PRSS3: variants seen among roughly 807,000 people sequenced by gnomAD.
PRSS3 encodes trypsin-3.
Under a neutral mutation model 20.8 loss-of-function variants are expected in PRSS3, and 14 were observed. That is an observed-to-expected ratio of 0.67 (90% CI 0.44 to 1.05). PRSS3 has a LOEUF of 1.05. Among genes scored for constraint, PRSS3 ranks in the 50% least tolerant of loss-of-function variants. The probability of loss-of-function intolerance (pLI) is 0.00; values close to 1 mark genes in which losing one functional copy is unlikely to be tolerated. For missense variants in PRSS3, 237 were observed against 306.4 expected (o/e 0.77, Z 1.69); for synonymous variants, 91 against 117.6 (o/e 0.77, Z 1.46).
chr9:33,777,151 C>T (rs2118955721), intron 1 of PRSS3, among the ~76,000 whole-genome samples: 1 of 151,884 alleles, frequency 6.6e-6, no homozygotes, highest in East Asian at 1.9e-4. Context: ...CTTTAAAGTG[C>T]TACAAGAAAT....
At chr9:33,767,358 A>G (rs10758228) in intron 1 of PRSS3, among the ~76,000 whole-genome samples, 55,862 of 151,964 alleles carry the variant, frequency 0.37, 10,437 homozygotes, top group African/African-American at 0.42. Flanking sequence ...GATAAATAAC[A>G]TATGGCATTA....
In PRSS3 at chr9:33,750,791, C is replaced by T. The variant is rs1203480865; in HGVS notation, c.-53+64C>T. 7.1e-7 allele frequency: 1 copy of T among 1,408,544 alleles called. No homozygotes were observed. Among genetic ancestry groups the T allele is most frequent in the Non-Finnish European group, 9.2e-7 (1 of 1,086,658 alleles). 87.3% of individuals were successfully genotyped at this position (1,408,544 alleles called of 1,614,324 possible). Reference sequence around the variant, plus strand: ...GAGGGCTCGAAGGGAGAGGGAGCCCCGCCAAGGAGCGGGGCTGTGATGGAG... The same window carrying T: ...GAGGGCTCGAAGGGAGAGGGAGCCCTGCCAAGGAGCGGGGCTGTGATGGAG... On this transcript the variant is annotated intron_variant, in intron 1 of 5. Transcript: ENST00000342836. The surrounding 1 kb of genome is among the most constrained non-coding windows in gnomAD (Gnocchi z 4.8).
rs201427479 is a variant in PRSS3 at position 33,778,834 on chromosome 9, ATC to A, written c.-52-15905_-52-15904del. On this transcript the variant is annotated intron_variant, in intron 1 of 5. Transcript: ENST00000342836. Reference sequence around the variant, plus strand: ...TAGGAGCAAACCTTGTGAGGGGGCCATCTCTCTCCCCCACCCACCTCAGAGCA... The same window carrying A: ...TAGGAGCAAACCTTGTGAGGGGGCCATCTCTCCCCCACCCACCTCAGAGCA... 9.3e-3 allele frequency among the ~76,000 whole-genome samples: 1,412 copies of A among 152,260 alleles called. 25 individuals are homozygous for A. The highest frequency in any genetic ancestry group is 0.032 in the African/African-American group (1,342 of 41,550).
chr9:33,777,090 G>C (rs1823967502), intron 1 of PRSS3, among the ~76,000 whole-genome samples: 1 of 151,996 alleles, frequency 6.6e-6, no homozygotes, highest in Admixed American at 6.6e-5. Flanking sequence ...CATGAATAAT[G>C]ATAATTTTTC....
At chr9:33,751,880 C>T (rs542631779) in intron 1 of PRSS3, among the ~76,000 whole-genome samples, 2 of 152,200 alleles carry the variant, frequency 1.3e-5, no homozygotes, top group East Asian at 1.9e-4. Flanking sequence ...TTCGTGACTG[C>T]GAGCTTCTTG....
chr9:33,752,019 G>A (rs72711732), intron 1 of PRSS3, among the ~76,000 whole-genome samples: 3,747 of 152,292 alleles, frequency 0.025, 75 homozygotes, highest in Non-Finnish European at 0.039. Flanking sequence ...AGCAAAAGGT[G>A]AGGCATGACC....
At chr9:33,766,807 C>A (rs1823456377) in intron 1 of PRSS3, among the ~76,000 whole-genome samples, 1 of 151,764 alleles carries the variant, frequency 6.6e-6, no homozygotes, top group Non-Finnish European at 1.5e-5. Context: ...TATGGGATTT[C>A]TTTGGGGGTT....
intron 3 of PRSS3, 92 bp from the exon 4 acceptor site, chr9:33,798,394 G>T: frequency 1.3e-6 from 2 of 1,565,506 alleles, no homozygotes; most frequent in Non-Finnish European, 1.8e-6. Flanking sequence ...CAGAGGCAGT[G>T]TTCCTCTTCA....
intron 1 of PRSS3, among the ~76,000 whole-genome samples, chr9:33,776,825 A>G (rs763645895): frequency 2.0e-5 from 3 of 152,192 alleles, no homozygotes; most frequent in Non-Finnish European, 4.4e-5. Flanking sequence ...TTAGAAAAAT[A>G]TCAAAAGGTA....
rs960716416 is a variant in PRSS3, at chr9:33,796,925, G to T, written c.200+123G>T. On this transcript the variant is annotated intron_variant, in intron 2 of 4. Coordinates refer to ENST00000379405, the MANE Select transcript of PRSS3 (RefSeq NM_002771.4). ...GGAGAGGTGGTGGAAAAGAAAACTT[G>T]TTGACAGCAGCTGACTCTCCAGAGC... 3.3e-6 allele frequency: 5 copies of T among 1,500,148 alleles called. No homozygotes were observed. In the Admixed American group the frequency reaches 9.2e-5, roughly 27 times the overall value. 92.9% of individuals were successfully genotyped at this position (1,500,148 alleles called of 1,614,324 possible).
chr9:33,788,874 G>C (rs1472428895), intron 1 of PRSS3, among the ~76,000 whole-genome samples: 1 of 151,924 alleles, frequency 6.6e-6, no homozygotes, highest in Non-Finnish European at 1.5e-5. Flanking sequence ...GCTACAATCT[G>C]GGTAATTTCT....
chr9:33,787,968 A>G (rs1824480602), intron 1 of PRSS3, among the ~76,000 whole-genome samples: 1 of 152,236 alleles, frequency 6.6e-6, no homozygotes, highest in Non-Finnish European at 1.5e-5. Context: ...AAAGCTGTCC[A>G]GGGTGGATGA....
chr9:33,777,091 A>C (rs565229267), intron 1 of PRSS3, among the ~76,000 whole-genome samples: 4 of 152,184 alleles, frequency 2.6e-5, no homozygotes, highest in Non-Finnish European at 4.4e-5. Context: ...ATGAATAATG[A>C]TAATTTTTCC....
rs113502932 is a variant in PRSS3, at chr9:33,798,736, T to G, written c.591+114T>G. On this transcript the variant is annotated intron_variant, in intron 4 of 4. Transcript: ENST00000379405. The stretch of plus-strand genomic sequence containing the variant: ...GAGGCGGCTCCCTGCAGTGCTCCCA[T>G]GGAGAAATGAGGAAGGTGGCGGGGC... The G allele has an allele frequency of 1.5e-5, 22 of 1,508,004 alleles. No individual in the cohort carries two copies. In the African/African-American group the frequency reaches 1.5e-4, roughly 11 times the overall value. 93.4% of individuals were successfully genotyped at this position (1,508,004 alleles called of 1,614,324 possible). A position where few individuals can be genotyped will look rare whatever the true frequency, so the allele number is the denominator to read the frequency against.
intron 1 of PRSS3, among the ~76,000 whole-genome samples, chr9:33,780,173 G>A (rs1824123163): frequency 6.6e-6 from 1 of 151,898 alleles, no homozygotes; most frequent in Non-Finnish European, 1.5e-5. Flanking sequence ...TAGAGTGAAG[G>A]GTCAAGTCAC....
chr9:33,785,478 A>T (rs1054315042), intron 1 of PRSS3, among the ~76,000 whole-genome samples: 1 of 152,144 alleles, frequency 6.6e-6, no homozygotes, highest in African/African-American at 2.4e-5. Context: ...CGCCCGGCCC[A>T]TTGTGGTCAA....
chr9:33,777,133 A>G (rs1823969240), intron 1 of PRSS3, among the ~76,000 whole-genome samples: 2 of 152,178 alleles, frequency 1.3e-5, no homozygotes, highest in Non-Finnish European at 2.9e-5. Context: ...AAGAGAAGGG[A>G]ACTGTAGCTT....
chr9:33,755,738 T>C (rs1822911060), intron 1 of PRSS3, among the ~76,000 whole-genome samples: 1 of 152,148 alleles, frequency 6.6e-6, no homozygotes, highest in African/African-American at 2.4e-5. Flanking sequence ...TGAGAACTCA[T>C]CTCCAAGAAC....
Position 33,767,003 on chromosome 9 carries a change from C to T in PRSS3, c.-53+16276C>T, listed in dbSNP as rs116875181. On this transcript the variant is annotated intron_variant, in intron 1 of 5. Transcript: ENST00000342836. Reference sequence around the variant, plus strand: ...GTAGAAGAGTAATGGCAATAAAGTACGGAGAACCATCTTAGGGTGACTTTC... The same window carrying T: ...GTAGAAGAGTAATGGCAATAAAGTATGGAGAACCATCTTAGGGTGACTTTC... 2.0e-3 allele frequency among the ~76,000 whole-genome samples: 296 copies of T among 149,264 alleles called. 1 individual carries two copies. The East Asian group carries it at 0.032, about 16-fold the overall frequency.
Sources: gnomAD v4.1 joint callset for allele counts (sites outside exome capture counted in the v4.1 genomes callset) on GRCh38, gnomAD v4.1.1 for gene constraint, Gnocchi (gnomAD v3.1) non-coding constraint, MANE v1.5 for transcripts, NCBI Gene and HGNC (gene_info 2026-07-23, HGNC 2026-07-21) for gene names.